The following TBC1D31 variants were observed in gnomAD, a reference collection of about 807,000 sequenced individuals.
TBC1D31 encodes the protein WD repeat domain 67.
In TBC1D31, 99 loss-of-function variants were observed where a neutral mutation model predicts 132.9. That is an observed-to-expected ratio of 0.74 (90% confidence interval 0.63 to 0.88). The LOEUF (loss-of-function observed/expected upper bound fraction) is 0.88, where lower values mean the gene tolerates loss of function less well. Among genes scored for constraint, TBC1D31 ranks in the 40% least tolerant of loss-of-function variants. The pLI is 0.00. For synonymous variants in TBC1D31, 385 were observed against 419.4 expected (o/e 0.92, Z 1.00); for missense variants, 1,134 against 1,256.6 (o/e 0.90, Z 1.48).
chr8:123,086,964 C>T (rs1247283798), intron 4 of TBC1D31, among the ~76,000 whole-genome samples: 2 of 152,186 alleles, frequency 1.3e-5, no homozygotes, highest in African/African-American at 2.4e-5. Flanking sequence ...GTGATCCACT[C>T]GCCTGGTCTC....
intron 2 of TBC1D31, chr8:123,082,383 T>G: frequency 4.8e-6 from 1 of 208,950 alleles, no homozygotes; most frequent in Non-Finnish European, 9.5e-6. Flanking sequence ...TATCTCTGGC[T>G]GAGATTTTCT....
intron 10 of TBC1D31, among the ~76,000 whole-genome samples, chr8:123,112,819 CTT>C (rs1239452360): frequency 6.6e-6 from 1 of 152,146 alleles, no homozygotes; most frequent in Non-Finnish European, 1.5e-5. Flanking sequence ...TAAGAGATGA[CTT>C]AGAGATGGGA....
chr8:123,088,844 T>A (rs1816051624), intron 4 of TBC1D31, among the ~76,000 whole-genome samples: 1 of 152,196 alleles, frequency 6.6e-6, no homozygotes, highest in African/African-American at 2.4e-5. Flanking sequence ...GACAGACCAG[T>A]TATCTCAGAA....
chr8:123,126,193 A>G lies in TBC1D31; in HGVS notation c.1704+4A>G. The G allele has an allele frequency of 6.2e-7, 1 of 1,604,814 alleles. No individual in the cohort carries two copies. Among genetic ancestry groups the G allele is most frequent in the Non-Finnish European group, 8.5e-7 (1 of 1,177,126 alleles). ...AGATCATGATATAACCTCCCAGGTA[A>G]GAAGCATAAGGTTTTTAGAATAACA... On this transcript the variant is annotated splice_donor_region_variant and intron_variant, in intron 12 of 21. Transcript: ENST00000287380.
At chr8:123,157,222 A>G in the TBC1D31 span, among the ~76,000 whole-genome samples, 16 of 152,098 alleles carry the variant, frequency 1.1e-4, no homozygotes, top group African/African-American at 1.9e-4. Flanking sequence ...CAGCAAACAA[A>G]ATTATTGTGC....
chr8:123,156,280 A>G (rs1822984276), downstream of TBC1D31, among the ~76,000 whole-genome samples: 1 of 152,076 alleles, frequency 6.6e-6, no homozygotes, highest in Non-Finnish European at 1.5e-5. Context: ...GTCTCTACTA[A>G]AAATACAAAA....
chr8:123,156,230 C>G (rs1048642329), downstream of TBC1D31, among the ~76,000 whole-genome samples: 6 of 152,150 alleles, frequency 3.9e-5, no homozygotes, highest in African/African-American at 9.7e-5. Context: ...CACCTGAGGT[C>G]AGGAGTTCGA....
At chr8:123,160,605 C>T in the TBC1D31 span, among the ~76,000 whole-genome samples, 2 of 152,118 alleles carry the variant, frequency 1.3e-5, no homozygotes, top group East Asian at 3.9e-4. Flanking sequence ...CGGCGGCCGC[C>T]AGGGGACGCT....
At chr8:123,099,363 G>T (rs996449069) in intron 6 of TBC1D31, among the ~76,000 whole-genome samples, 5 of 152,138 alleles carry the variant, frequency 3.3e-5, no homozygotes, top group Middle Eastern at 6.8e-3. Flanking sequence ...CTCGTGATCC[G>T]CCCGTGTCGG....
At position 123,128,354 on chromosome 8, in the gene TBC1D31, C is replaced by G; in HGVS notation, c.1958C>G (p.Thr653Arg). ...IRQVYHLMET[T>R]PTDIHPDSML... ...CAAGTTTATCATCTCATGGAGACCA[C>G]GCCTACTGACATTCATCCAGACAGC... The change falls in exon 14 of 22, where the codon ACG (threonine) becomes AGG (arginine). Residue 653 changes from threonine to arginine, a missense_variant. Transcript: ENST00000287380. 6.2e-7 allele frequency: 1 copy of G among 1,613,220 alleles called. No homozygotes were observed. Among genetic ancestry groups the G allele is most frequent in the Non-Finnish European group, 8.5e-7 (1 of 1,179,338 alleles).
the TBC1D31 span, among the ~76,000 whole-genome samples, chr8:123,162,047 A>G: frequency 6.7e-6 from 1 of 150,302 alleles, no homozygotes; most frequent in African/African-American, 2.5e-5. Context: ...AAAGTACCCA[A>G]TGACATCTAT....
intron 10 of TBC1D31, among the ~76,000 whole-genome samples, chr8:123,111,097 T>C (rs1818393396): frequency 6.6e-6 from 1 of 152,176 alleles, no homozygotes; most frequent in African/African-American, 2.4e-5. Flanking sequence ...CAAGGTTTTT[T>C]TTTTCCCCCC....
rs1205930489 is a variant in TBC1D31, at chr8:123,150,099, ACT to A, written c.3041_3042del (p.Ser1014PhefsTer2). On this transcript the variant is annotated frameshift_variant, in exon 21 of 22. Coordinates refer to ENST00000287380, the MANE Select transcript of TBC1D31 (RefSeq NM_145647.4). LOFTEE classifies it low-confidence loss of function (END_TRUNC). ...TTGCCTAGAACCTCACAATTAAATG[ACT>A]CTTCTGAAATGGATCCCTCAACACA... 8 of 1,613,742 alleles carry A rather than the reference ACT, an allele frequency of 5.0e-6. No homozygotes were observed. Among genetic ancestry groups the A allele is most frequent in the South Asian group, 2.2e-5 (2 of 91,058 alleles).
chr8:123,128,554 T>C, intron 14 of TBC1D31, 41 bp downstream of exon 14: 8 of 1,396,718 alleles, frequency 5.7e-6, no homozygotes, highest in Non-Finnish European at 8.0e-6. Flanking sequence ...TACAATGAAA[T>C]ATGTTATAAA....
intron 8 of TBC1D31, among the ~76,000 whole-genome samples, chr8:123,107,382 A>T (rs1008663894): frequency 4.6e-5 from 7 of 152,158 alleles, no homozygotes; most frequent in Admixed American, 2.0e-4. Flanking sequence ...TACCCCATAT[A>T]TATAACCATT....
the TBC1D31 span, among the ~76,000 whole-genome samples, chr8:123,160,257 A>C: frequency 6.6e-6 from 1 of 152,120 alleles, no homozygotes; most frequent in South Asian, 2.1e-4. Context: ...CTCAATTTTA[A>C]CATTTGGCTG....
At chr8:123,082,627 T>C in intron 2 of TBC1D31, 75 bp from the exon 3 acceptor site, 1 of 1,059,118 alleles carries the variant, frequency 9.4e-7, no homozygotes, top group Non-Finnish European at 1.4e-6. Context: ...TTTCTTCGTC[T>C]CTACGGACTC....
intron 4 of TBC1D31, among the ~76,000 whole-genome samples, chr8:123,085,379 A>G (rs6470136): frequency 0.1 from 15,511 of 152,140 alleles, 1,137 homozygotes; most frequent in African/African-American, 0.2. Context: ...AAAATTTCAT[A>G]TAAATAGAAC....
chr8:123,091,816 T>C (rs1162797697), intron 4 of TBC1D31, among the ~76,000 whole-genome samples: 1 of 152,240 alleles, frequency 6.6e-6, no homozygotes, highest in Non-Finnish European at 1.5e-5. Flanking sequence ...TTTATGCTTA[T>C]GTGATAGAAA....
Sources: gnomAD v4.1 joint callset for allele counts (sites outside exome capture counted in the v4.1 genomes callset) on GRCh38, gnomAD v4.1.1 for gene constraint, MANE v1.5 for transcripts, NCBI Gene and HGNC (gene_info 2026-07-23, HGNC 2026-07-21) for gene names.